IMMP2L: variants seen among roughly 807,000 people sequenced by gnomAD.
IMMP2L encodes the protein mitochondrial inner membrane protease subunit 2.
Under a neutral mutation model 19.3 loss-of-function variants are expected in IMMP2L, and 18 were observed. The observed-to-expected ratio is 0.93, with a 90% confidence interval of 0.64 to 1.38. IMMP2L has a LOEUF of 1.38. IMMP2L is among the 40% of genes most tolerant of loss of function. The probability of loss-of-function intolerance (pLI) is 0.00; values close to 1 mark genes in which losing one functional copy is unlikely to be tolerated. For missense variants in IMMP2L, 233 were observed against 218.2 expected, an observed-to-expected ratio of 1.07 and a Z score of -0.43; for synonymous variants, 76 against 73.0, an observed-to-expected ratio of 1.04 and a Z score of -0.21.
chr7:111,152,067 TA>T (rs1804138247), intron 3 of IMMP2L, among the ~76,000 whole-genome samples: 2 of 152,132 alleles, frequency 1.3e-5, no homozygotes, highest in East Asian at 1.9e-4. Flanking sequence ...TACTTACAGA[TA>T]AAAATACTAT....
chr7:110,974,387 C>A (rs1820476298), intron 3 of IMMP2L, among the ~76,000 whole-genome samples: 1 of 151,978 alleles, frequency 6.6e-6, no homozygotes, highest in African/African-American at 2.4e-5. Flanking sequence ...TTTGGAATGA[C>A]CACATGGATA....
chr7:111,300,613 C>T (rs1412406827), intron 3 of IMMP2L, among the ~76,000 whole-genome samples: 1 of 152,108 alleles, frequency 6.6e-6, no homozygotes, highest in African/African-American at 2.4e-5. Flanking sequence ...AACCAAACTC[C>T]TTCCGCACCC....
At chr7:110,985,832 A>T (rs1821801663) in intron 3 of IMMP2L, among the ~76,000 whole-genome samples, 1 of 152,184 alleles carries the variant, frequency 6.6e-6, no homozygotes, top group Non-Finnish European at 1.5e-5. Context: ...TGAAAACAAT[A>T]CTATCCCCAA....
chr7:111,447,399 T>C (rs1435908988), intron 3 of IMMP2L, among the ~76,000 whole-genome samples: 1 of 149,184 alleles, frequency 6.7e-6, no homozygotes, highest in Non-Finnish European at 1.5e-5. Flanking sequence ...TGGGGGCCAA[T>C]ATTCAACATT....
chr7:111,534,639 C>T (rs1242869700), intron 1 of IMMP2L, among the ~76,000 whole-genome samples: 1 of 152,074 alleles, frequency 6.6e-6, no homozygotes, highest in East Asian at 1.9e-4. Context: ...TTTTCTGCTA[C>T]AATAGCTATT....
chr7:111,428,286 T>C (rs1219458340), intron 3 of IMMP2L, among the ~76,000 whole-genome samples: 1 of 151,650 alleles, frequency 6.6e-6, no homozygotes. Context: ...CACATATAGA[T>C]GATAAAGACT....
At chr7:110,844,723 G>C in intron 5 of IMMP2L, among the ~76,000 whole-genome samples, 1 of 56,348 alleles carries the variant, frequency 1.8e-5, no homozygotes. Flanking sequence ...TCCAGAAGGA[G>C]AGATGGTGAA....
intron 5 of IMMP2L, among the ~76,000 whole-genome samples, chr7:110,737,224 C>CA (rs892263564): frequency 2.0e-4 from 30 of 152,078 alleles, no homozygotes; most frequent in Non-Finnish European, 2.9e-4. Flanking sequence ...CCTGAGATGC[C>CA]AAAAAAACTG....
At chr7:111,181,671 T>C (rs180759472) in intron 3 of IMMP2L, among the ~76,000 whole-genome samples, 54 of 152,110 alleles carry the variant, frequency 3.6e-4, no homozygotes, top group Non-Finnish European at 7.4e-4. Context: ...CTAAGATAAA[T>C]GTGCAGGTTT....
intron 3 of IMMP2L, among the ~76,000 whole-genome samples, chr7:111,472,024 C>T (rs980588452): frequency 2.6e-5 from 4 of 151,994 alleles, no homozygotes; most frequent in Admixed American, 6.6e-5. Flanking sequence ...CTGTTATATA[C>T]GATCTTATTC....
At chr7:111,280,032 T>C (rs568462751) in intron 3 of IMMP2L, among the ~76,000 whole-genome samples, 1 of 152,140 alleles carries the variant, frequency 6.6e-6, no homozygotes, top group Non-Finnish European at 1.5e-5. Flanking sequence ...GATTTATCTA[T>C]CTTTTAAAAA....
intron 3 of IMMP2L, among the ~76,000 whole-genome samples, chr7:111,012,500 T>C (rs565748700): frequency 4.6e-5 from 7 of 152,266 alleles, no homozygotes; most frequent in Admixed American, 2.0e-4. Flanking sequence ...CATATAGTAA[T>C]ATTTATATAT....
chr7:111,551,867 T>A (rs117092886), intron 1 of IMMP2L, among the ~76,000 whole-genome samples: 3,154 of 152,228 alleles, frequency 0.021, 73 homozygotes, highest in Middle Eastern at 0.1. Context: ...TAGCCCCTAC[T>A]ACCTTAAGAA....
chr7:111,369,066 G>A (rs1830047465), intron 3 of IMMP2L, among the ~76,000 whole-genome samples: 1 of 150,828 alleles, frequency 6.6e-6, no homozygotes, highest in Non-Finnish European at 1.5e-5. Flanking sequence ...GCACATGAAT[G>A]ACTGTTACAG....
At chr7:111,105,853 C>A (rs1798492925) in intron 3 of IMMP2L, among the ~76,000 whole-genome samples, 1 of 151,714 alleles carries the variant, frequency 6.6e-6, no homozygotes, top group Non-Finnish European at 1.5e-5. Flanking sequence ...TTATAGCATC[C>A]CCACTTTTTA....
chr7:110,970,483 T>G (rs2129556491), intron 3 of IMMP2L, among the ~76,000 whole-genome samples: 1 of 152,188 alleles, frequency 6.6e-6, no homozygotes, highest in African/African-American at 2.4e-5. Flanking sequence ...TAAAGGAACT[T>G]TAAAAAGGAT....
intron 3 of IMMP2L, among the ~76,000 whole-genome samples, chr7:111,405,825 A>G (rs563919648): frequency 7.2e-5 from 11 of 152,078 alleles, no homozygotes; most frequent in Non-Finnish European, 1.3e-4. Context: ...CTTACCACCT[A>G]TTAATTTTTA....
chr7:111,104,804 C>T (rs973887438), intron 3 of IMMP2L, among the ~76,000 whole-genome samples: 6 of 151,730 alleles, frequency 4.0e-5, no homozygotes, highest in Admixed American at 6.6e-5. Flanking sequence ...TACCCAGCCT[C>T]GCATCTCATT....
intron 2 of IMMP2L, among the ~76,000 whole-genome samples, chr7:111,489,361 C>T (rs966354358): frequency 6.6e-6 from 1 of 151,814 alleles, no homozygotes; most frequent in East Asian, 1.9e-4. Context: ...CTTTTTGCTG[C>T]GGTTGTCCTT....
Sources: allele counts gnomAD v4.1 joint callset (sites outside exome capture counted in the v4.1 genomes callset), GRCh38; gene constraint gnomAD v4.1.1; transcripts MANE v1.5; gene names NCBI Gene and HGNC (gene_info 2026-07-23, HGNC 2026-07-21).